The following TASP1 variants were observed in gnomAD, a reference collection of about 807,000 sequenced individuals.
TASP1 encodes the protein threonine aspartase 1.
A neutral mutation model predicts 56.6 loss-of-function variants in TASP1; 16 were observed. The ratio of observed to expected loss-of-function variants is 0.28; its 90% CI spans 0.19 to 0.43. The LOEUF (loss-of-function observed/expected upper bound fraction) is 0.43. Among genes scored for constraint, TASP1 ranks in the 20% least tolerant of loss-of-function variants. The probability of loss-of-function intolerance (pLI) is 1.00; values close to 1 mark genes in which losing one functional copy is unlikely to be tolerated. For missense variants in TASP1, 393 were observed against 511.6 expected, an observed-to-expected ratio of 0.77 and a Z score of 2.24; for synonymous variants, 179 against 184.2, an observed-to-expected ratio of 0.97 and a Z score of 0.23.
rs1244553831 is a variant in TASP1, at chr20:13,558,991, T to C, written c.675+17A>G. 7.3e-6 allele frequency: 11 copies of C among 1,504,054 alleles called. No individual in the cohort carries two copies. The African/African-American group carries it at 1.1e-4, about 15-fold the overall frequency. The allele number at this position is 1,504,054 out of a possible 1,614,324, so 93.2% of individuals were successfully genotyped here. A position where few individuals can be genotyped will look rare whatever the true frequency, so the allele number is the denominator to read the frequency against. The stretch of plus-strand genomic sequence containing the variant: ...TCATCTGATACATTAATTTGAATAT[T>C]TCAAACACCACCTGACCTTCTCACT... On this transcript the variant is annotated intron_variant, in intron 8 of 13. Transcript: ENST00000337743.
At chr20:13,288,521 C>T in the TASP1 span, 17 of 1,611,230 alleles carry the variant, frequency 1.1e-5, no homozygotes, top group African/African-American at 2.1e-4. Context: ...TGATGACCAT[C>T]TCCCTGGCTG....
chr20:13,321,868 G>C, the TASP1 span, among the ~76,000 whole-genome samples: 3 of 152,188 alleles, frequency 2.0e-5, no homozygotes, highest in African/African-American at 7.2e-5. Context: ...AGACTGCTCA[G>C]GTTTGACTCC....
intron 10 of TASP1, among the ~76,000 whole-genome samples, chr20:13,487,714 T>C (rs1481374862): frequency 6.6e-6 from 1 of 152,006 alleles, no homozygotes; most frequent in Non-Finnish European, 1.5e-5. Flanking sequence ...CACATATACA[T>C]ACAACCAAAA....
the TASP1 span, among the ~76,000 whole-genome samples, chr20:13,362,731 A>G: frequency 6.6e-6 from 1 of 151,040 alleles, no homozygotes; most frequent in Admixed American, 6.6e-5. Context: ...GAAATTCTAG[A>G]AAAAGCAAAA....
intron 13 of TASP1, among the ~76,000 whole-genome samples, chr20:13,394,307 C>CAAAAAAAAAAAAAAAAAA (rs57418361): frequency 2.3e-5 from 1 of 42,948 alleles, no homozygotes; most frequent in African/African-American, 9.2e-5. Context: ...CACTCCCTCT[C>CAAAAAAAAAAAAAAAAAA]AAAAAAAAAA....
At chr20:13,186,368 C>T in the TASP1 span, among the ~76,000 whole-genome samples, 13 of 152,146 alleles carry the variant, frequency 8.5e-5, no homozygotes, top group African/African-American at 2.9e-4. Flanking sequence ...CGTTAGTCTC[C>T]AGTCTTCTTA....
At chr20:13,227,400 T>C in the TASP1 span, among the ~76,000 whole-genome samples, 2 of 151,702 alleles carry the variant, frequency 1.3e-5, no homozygotes, top group Non-Finnish European at 2.9e-5. Context: ...AGACAGGGTT[T>C]CACCGTGTTA....
chr20:13,509,901 C>T (rs1201302750), intron 10 of TASP1, among the ~76,000 whole-genome samples: 1 of 152,170 alleles, frequency 6.6e-6, no homozygotes. Context: ...GCTGGGATTA[C>T]AGGCGTGAGC....
chr20:13,227,592 T>G, the TASP1 span, among the ~76,000 whole-genome samples: 1 of 150,360 alleles, frequency 6.7e-6, no homozygotes, highest in South Asian at 2.1e-4. Flanking sequence ...CACTTCAAAC[T>G]CTGCCTCCTG....
intron 12 of TASP1, among the ~76,000 whole-genome samples, chr20:13,419,753 G>C (rs866456739): frequency 9.9e-5 from 15 of 152,162 alleles, no homozygotes; most frequent in African/African-American, 3.6e-4. Flanking sequence ...GAGGCAGTAA[G>C]GGGCAAAATG....
At chr20:13,110,293 C>A in the TASP1 span, 1 of 1,206,914 alleles carries the variant, frequency 8.3e-7, no homozygotes, top group South Asian at 1.4e-5. Flanking sequence ...GCTCACCTTT[C>A]CTAGCTAAAC....
At chr20:13,427,499 A>C (rs995412899) in intron 12 of TASP1, among the ~76,000 whole-genome samples, 1 of 152,222 alleles carries the variant, frequency 6.6e-6, no homozygotes, top group Non-Finnish European at 1.5e-5. Flanking sequence ...ATTTTCATAT[A>C]ATAAATCATA....
At chr20:13,574,450 A>T (rs957312078) in intron 6 of TASP1, among the ~76,000 whole-genome samples, 1 of 152,256 alleles carries the variant, frequency 6.6e-6, no homozygotes, top group Non-Finnish European at 1.5e-5. Context: ...ATTACCAAGT[A>T]TGCAAAATAG....
the TASP1 span, among the ~76,000 whole-genome samples, chr20:13,309,461 A>G: frequency 1.1e-4 from 16 of 152,316 alleles, no homozygotes; most frequent in Non-Finnish European, 2.2e-4. Context: ...CCCACAGCTA[A>G]CATCATACTC....
At chr20:13,411,658 A>G (rs2042098063) in intron 13 of TASP1, among the ~76,000 whole-genome samples, 1 of 152,168 alleles carries the variant, frequency 6.6e-6, no homozygotes, top group Non-Finnish European at 1.5e-5. Flanking sequence ...TCCCTTAAGC[A>G]AGGTTTGGGA....
At chr20:13,633,414 GAATT>G (rs1019427453) in intron 1 of TASP1, among the ~76,000 whole-genome samples, 11 of 152,190 alleles carry the variant, frequency 7.2e-5, no homozygotes, top group East Asian at 1.9e-4. Flanking sequence ...CCATCTGAAT[GAATT>G]ATTTATAAAA....
At chr20:13,255,911 G>A in the TASP1 span, among the ~76,000 whole-genome samples, 1 of 138,576 alleles carries the variant, frequency 7.2e-6, no homozygotes, top group South Asian at 2.4e-4. Context: ...AGGATATTTA[G>A]TAAAGTTCCT....
At chr20:13,624,197 G>T (rs2048810221) in intron 3 of TASP1, among the ~76,000 whole-genome samples, 1 of 152,006 alleles carries the variant, frequency 6.6e-6, no homozygotes, top group Admixed American at 6.6e-5. Flanking sequence ...ACTAAGAACT[G>T]TATTCCTAAT....
chr20:13,221,668 G>C, the TASP1 span: 206,488 of 980,648 alleles, frequency 0.21, 23,034 homozygotes, highest in Non-Finnish European at 0.23. Context: ...CGGGAGCCGA[G>C]GCGGGAGCCG....
Sources: gnomAD v4.1 joint callset for allele counts (sites outside exome capture counted in the v4.1 genomes callset) on GRCh38, gnomAD v4.1.1 for gene constraint, MANE v1.5 for transcripts, NCBI Gene and HGNC (gene_info 2026-07-23, HGNC 2026-07-21) for gene names.